RBBP4: variants seen among roughly 807,000 people sequenced by gnomAD.
RBBP4 encodes histone-binding protein RBBP4.
In RBBP4, 3 loss-of-function variants were observed where a neutral mutation model predicts 57.2. The ratio of observed to expected loss-of-function variants is 0.05; its 90% CI spans 0.02 to 0.14. RBBP4 has a LOEUF of 0.14. Among genes scored for constraint, RBBP4 ranks in the 10% least tolerant of loss-of-function variants. The probability of loss-of-function intolerance (pLI) is 1.00; values close to 1 mark genes in which losing one functional copy is unlikely to be tolerated. For missense variants in RBBP4, 107 were observed against 520.6 expected (o/e 0.21, Z 7.73); for synonymous variants, 151 against 171.5 (o/e 0.88, Z 0.93).
At chr1:32,660,817 G>A (rs142172554) in intron 3 of RBBP4, among the ~76,000 whole-genome samples, 101 of 151,808 alleles carry the variant, frequency 6.7e-4, no homozygotes, top group African/African-American at 2.2e-3. Flanking sequence ...TTGAGTTTTT[G>A]TTGTTATTTT....
rs1184967518 is a variant in RBBP4, at chr1:32,653,677, T to G, written c.164+1616T>G. On this transcript the variant is annotated intron_variant, in intron 2 of 11. Transcript: ENST00000373493. ...TTTTTTTTGTTTTTGTTTTTTTTTT[T>G]GAGACGGAGTCTCCTCTCTTGCCCA... Among the ~76,000 whole-genome samples the G allele has an allele frequency of 1.7e-4, 18 of 105,460 alleles. 1 individual carries two copies. Among genetic ancestry groups the G allele is most frequent in the African/African-American group, 5.4e-4 (15 of 27,576 alleles). 69.2% of individuals were successfully genotyped at this position (105,460 alleles called of 152,430 possible).
chr1:32,667,787 T>G (rs1421131429), intron 3 of RBBP4, among the ~76,000 whole-genome samples: 1 of 152,250 alleles, frequency 6.6e-6, no homozygotes, highest in African/African-American at 2.4e-5. Flanking sequence ...TGATACAGCA[T>G]GGCATAATGT....
intron 2 of RBBP4, 141 bp downstream of exon 2, chr1:32,652,202 G>C: frequency 3.0e-6 from 3 of 998,636 alleles, no homozygotes; most frequent in Non-Finnish European, 4.4e-6. Flanking sequence ...AGGCCACAAA[G>C]TAAGGCAAAA....
At chr1:32,675,641 C>CAT (rs1557860682) in intron 11 of RBBP4, among the ~76,000 whole-genome samples, 2 of 151,604 alleles carry the variant, frequency 1.3e-5, no homozygotes, top group Non-Finnish European at 2.9e-5. Context: ...TGGTGGCGGG[C>CAT]GCCTGTAGTC....
chr1:32,681,615 C>T lies in RBBP4; in HGVS notation c.*1910C>T, dbSNP rs1167608225. 4.9e-6 allele frequency: 3 copies of T among 613,046 alleles called. No homozygotes were observed. The highest frequency in any genetic ancestry group is 4.1e-5 in the South Asian group (2 of 48,540). 38.0% of individuals were successfully genotyped at this position (613,046 alleles called of 1,614,324 possible). On this transcript the variant is annotated 3_prime_UTR_variant, in exon 12 of 12. Transcript: ENST00000373493. Reference sequence around the variant, plus strand: ...TTTCCTTTCCTTGGTGCATTGAGATCAGTATCAACAGCAGATGAAATAGAA... The same window carrying T: ...TTTCCTTTCCTTGGTGCATTGAGATTAGTATCAACAGCAGATGAAATAGAA...
chr1:32,657,329 C>T, intron 2 of RBBP4, 98 bp from the exon 3 acceptor site: 1 of 1,209,444 alleles, frequency 8.3e-7, no homozygotes. Flanking sequence ...TCTCTTAAAA[C>T]CTGGTTGTAT....
At chr1:32,653,745 G>A (rs550352273) in intron 2 of RBBP4, among the ~76,000 whole-genome samples, 13 of 131,330 alleles carry the variant, frequency 9.9e-5, no homozygotes, top group Admixed American at 1.8e-4. Flanking sequence ...TGCAAGCTCC[G>A]CCTCCCGGGT....
chr1:32,653,288 A>G (rs934820115), intron 2 of RBBP4, among the ~76,000 whole-genome samples: 3 of 152,216 alleles, frequency 2.0e-5, no homozygotes, highest in Non-Finnish European at 2.9e-5. Context: ...TTTAGATGAT[A>G]TTAACATAGT....
intron 1 of RBBP4, 176 bp from the exon 2 acceptor site, chr1:32,651,738 T>TGGCCCGAGGAGTTTCGGC (rs1647709626): frequency 3.6e-6 from 3 of 839,292 alleles, no homozygotes; most frequent in Non-Finnish European, 5.4e-6. Context: ...TTGGCGGGGA[T>TGGCCCGAGGAGTTTCGGC]GGCCCGAGGA....
At position 32,679,742 on chromosome 1, in the gene RBBP4, T is replaced by C. The variant is rs367814282; in HGVS notation, c.*37T>C. ...CTTGTTGTGATTTTAGACTCCCCTT[T>C]TTTCTTCTCAACCCTGAGAGTGATT... On this transcript the variant is annotated 3_prime_UTR_variant, in exon 12 of 12. Coordinates refer to ENST00000373493, the MANE Select transcript of RBBP4 (RefSeq NM_005610.3). The C allele has an allele frequency of 1.8e-4, 290 of 1,611,908 alleles. No homozygotes were observed. In the African/African-American group the frequency reaches 3.4e-3, roughly 19 times the overall value.
intron 3 of RBBP4, 34 bp from the exon 4 acceptor site, chr1:32,668,190 TG>T: frequency 6.3e-7 from 1 of 1,585,070 alleles, no homozygotes; most frequent in Non-Finnish European, 8.6e-7. Context: ...GAGTAGCTCT[TG>T]TTTTGTCCTC....
In RBBP4 at chr1:32,684,101, G is replaced by C. The variant is rs905859980; in HGVS notation, c.*4396G>C. On this transcript the variant is annotated 3_prime_UTR_variant, in exon 12 of 12. Coordinates refer to ENST00000373493, the MANE Select transcript of RBBP4 (RefSeq NM_005610.3). The stretch of plus-strand genomic sequence containing the variant: ...GTAGTAGCATAGCCCTTTAAAAAGA[G>C]AGAGCCATTTTCCATGTGTTTTTGG... 2 of 1,612,722 alleles carry C rather than the reference G, an allele frequency of 1.2e-6. No individual in the cohort carries two copies. Among genetic ancestry groups the C allele is most frequent in the Non-Finnish European group, 1.7e-6 (2 of 1,179,310 alleles).
At chr1:32,664,287 G>A (rs1029135800) in intron 3 of RBBP4, among the ~76,000 whole-genome samples, 2 of 152,092 alleles carry the variant, frequency 1.3e-5, no homozygotes, top group Admixed American at 6.6e-5. Flanking sequence ...TCTTACTACT[G>A]TGGTTTTCTT....
At chr1:32,654,301 T>TTGGGAG (rs1353387452) in intron 2 of RBBP4, among the ~76,000 whole-genome samples, 1 of 152,114 alleles carries the variant, frequency 6.6e-6, no homozygotes, top group Non-Finnish European at 1.5e-5. Flanking sequence ...CACCTGAGCC[T>TTGGGAG]TGGGAGGTCA....
chr1:32,663,830 CCT>C (rs1648528501), intron 3 of RBBP4, among the ~76,000 whole-genome samples: 1 of 152,120 alleles, frequency 6.6e-6, no homozygotes, highest in Non-Finnish European at 1.5e-5. Flanking sequence ...CCTGCCTCGG[CCT>C]CTCAAAGTGC....
rs1294571071 is a variant in RBBP4 at position 32,684,539 on chromosome 1, AGTT to A, written c.*4837_*4839del. ...ATAGGTTATGAAACAGGTTCAAAGAAGTTGTGTCTTGGAAAAAAAGTGACAATG... is the reference window on the plus strand; with the variant it reads ...ATAGGTTATGAAACAGGTTCAAAGAAGTGTCTTGGAAAAAAAGTGACAATG... On this transcript the variant is annotated 3_prime_UTR_variant, in exon 12 of 12. Coordinates refer to ENST00000373493, the MANE Select transcript of RBBP4 (RefSeq NM_005610.3). 2.7e-6 allele frequency: 3 copies of A among 1,125,548 alleles called. No homozygotes were observed. Among genetic ancestry groups the A allele is most frequent in the Non-Finnish European group, 3.7e-6 (3 of 814,694 alleles). The allele number at this position is 1,125,548 out of a possible 1,614,324, so 69.7% of individuals were successfully genotyped here. A position where few individuals can be genotyped will look rare whatever the true frequency, so the allele number is the denominator to read the frequency against.
chr1:32,661,301 C>CTTTTTTTTTTTTTTTTT, intron 3 of RBBP4, among the ~76,000 whole-genome samples: 1 of 132,106 alleles, frequency 7.6e-6, no homozygotes, highest in African/African-American at 3.1e-5. Flanking sequence ...ATTTTTAGTT[C>CTTTTTTTTTTTTTTTTT]CTTTTTTTTT....
chr1:32,656,923 T>C lies in RBBP4; in HGVS notation c.165-504T>C, dbSNP rs148625570. ...CAACCTGTTGGTAGTGAGTGAGTAG[T>C]TAATTCACATTTTATTCCATAAAAC... On this transcript the variant is annotated intron_variant, in intron 2 of 11. Coordinates refer to ENST00000373493, the MANE Select transcript of RBBP4 (RefSeq NM_005610.3). Among the ~76,000 whole-genome samples, 276 of 152,324 alleles carry C rather than the reference T, an allele frequency of 1.8e-3. 4 individuals are homozygous for C. The East Asian group carries it at 0.044, about 24-fold the overall frequency.
intron 2 of RBBP4, among the ~76,000 whole-genome samples, chr1:32,653,905 G>C (rs944873638): frequency 6.6e-6 from 1 of 151,784 alleles, no homozygotes; most frequent in African/African-American, 2.4e-5. Flanking sequence ...TGATCCACCC[G>C]CCTCGGCCTT....
Sources: gnomAD v4.1 joint callset for allele counts (sites outside exome capture counted in the v4.1 genomes callset) on GRCh38, gnomAD v4.1.1 for gene constraint, MANE v1.5 for transcripts, NCBI Gene and HGNC (gene_info 2026-07-23, HGNC 2026-07-21) for gene names.